The following PCAT7 variants were observed in gnomAD, a reference collection of about 807,000 sequenced individuals.
PCAT7 encodes prostate cancer associated transcript 7.
chr9:94,561,352 ATTTTTTTTTTT>A lies in PCAT7; in HGVS notation n.441+2218_441+2228del, dbSNP rs1174386595. On this transcript the variant is annotated intron_variant and non_coding_transcript_variant, in intron 2 of 8. Transcript: ENST00000647389. ...GCAGGCCATGTGACATGTGACCTGT[ATTTTTTTTTTT>A]TTTTTTTTTTTTTTTTTGAGATGGA... is the stretch of plus-strand genomic sequence containing the variant. 1.7e-3 allele frequency among the ~76,000 whole-genome samples: 96 copies of A among 54,994 alleles called. 1 individual carries two copies. In the Admixed American group the frequency reaches 0.025, roughly 15 times the overall value. The allele number at this position is 54,994 out of a possible 152,430, so 36.1% of individuals were successfully genotyped here. A position where few individuals can be genotyped will look rare whatever the true frequency, so the allele number is the denominator to read the frequency against.
intron 2 of PCAT7, chr9:94,563,481 G>A: frequency 6.2e-7 from 1 of 1,610,764 alleles, no homozygotes; most frequent in Non-Finnish European, 8.5e-7. Flanking sequence ...AGAAAGCGAA[G>A]AGACAAGATC....
intron 2 of PCAT7, chr9:94,571,662 C>T: frequency 1.3e-6 from 2 of 1,494,006 alleles, no homozygotes; most frequent in Non-Finnish European, 1.8e-6. Context: ...AACACTTTGC[C>T]AGGGGCCTGG....
chr9:94,571,698 A>C, intron 2 of PCAT7: 1 of 1,149,998 alleles, frequency 8.7e-7, no homozygotes, highest in South Asian at 1.8e-5. Flanking sequence ...GAATCACTGA[A>C]GGAAGCGCGG....
intron 2 of PCAT7, among the ~76,000 whole-genome samples, chr9:94,561,765 G>T (rs781649): frequency 5.3e-5 from 8 of 151,850 alleles, no homozygotes; most frequent in Non-Finnish European, 1.0e-4. Flanking sequence ...CACACACACA[G>T]AGAGACGTCG....
chr9:94,564,657 C>T (rs1827159696), intron 2 of PCAT7, among the ~76,000 whole-genome samples: 1 of 151,906 alleles, frequency 6.6e-6, no homozygotes, highest in Non-Finnish European at 1.5e-5. Context: ...CTGGGGCCTA[C>T]GTGAGGGTGG....
At chr9:94,554,641 C>T (rs913138428), upstream of PCAT7, among the ~76,000 whole-genome samples, 18 of 152,232 alleles carry the variant, frequency 1.2e-4, no homozygotes, top group Non-Finnish European at 2.6e-4. Flanking sequence ...GCCGCGGAGG[C>T]GCAAGCTCCG....
At chr9:94,559,503 G>A (rs149672830) in intron 2 of PCAT7, among the ~76,000 whole-genome samples, 1,521 of 150,314 alleles carry the variant, frequency 0.01, 8 homozygotes, top group Non-Finnish European at 0.016. Context: ...CTTTATATGT[G>A]AGACCTCAAG....
At chr9:94,562,228 T>C (rs1396058536) in intron 2 of PCAT7, among the ~76,000 whole-genome samples, 1 of 144,246 alleles carries the variant, frequency 6.9e-6, no homozygotes, top group Non-Finnish European at 1.5e-5. Flanking sequence ...GAGAATGGTG[T>C]GAACCTGGGA....
chr9:94,570,732 G>A (rs1008480465), intron 2 of PCAT7: 1 of 151,998 alleles, frequency 6.6e-6, no homozygotes, highest in African/African-American at 2.4e-5. Flanking sequence ...AAGTTTCTGG[G>A]TTTCCATACT....
intron 2 of PCAT7, chr9:94,567,667 C>A: frequency 2.4e-6 from 1 of 417,300 alleles, no homozygotes; most frequent in Non-Finnish European, 4.3e-6. Flanking sequence ...AGTCTTCTTT[C>A]TTTTCCTGTG....
intron 2 of PCAT7, among the ~76,000 whole-genome samples, chr9:94,565,429 T>C (rs967789006): frequency 1.3e-5 from 2 of 151,154 alleles, no homozygotes; most frequent in Non-Finnish European, 2.9e-5. Context: ...ATCTTACACA[T>C]GAATTTTGTT....
chr9:94,556,402 A>G (rs2131434419), intron 1 of PCAT7, among the ~76,000 whole-genome samples: 1 of 151,970 alleles, frequency 6.6e-6, no homozygotes, highest in Middle Eastern at 3.4e-3. Context: ...GACGGTAGGG[A>G]GAAAACGGTG....
rs1484775273 is a variant in PCAT7, at chr9:94,559,816, G to A, written n.441+664G>A. 2.0e-5 allele frequency among the ~76,000 whole-genome samples: 3 copies of A among 152,036 alleles called. No homozygotes were observed. The East Asian group carries it at 5.8e-4, about 29-fold the overall frequency. On this transcript the variant is annotated intron_variant and non_coding_transcript_variant, in intron 2 of 8. Coordinates refer to ENST00000647389, the Ensembl canonical transcript of PCAT7. ...CTGCTGTCCATCCTAGCTGGTCACT[G>A]TACTATCTGTATTCTCAGTAGTGCC... is the stretch of plus-strand genomic sequence containing the variant.
chr9:94,555,143 G>GT (rs937155067), exon 1 of PCAT7: 9 of 152,020 alleles, frequency 5.9e-5, no homozygotes, highest in African/African-American at 1.7e-4. Flanking sequence ...TTTTGTTTTT[G>GT]TTTTTTTAGG....
At chr9:94,558,228 G>A (rs1313126086) in intron 1 of PCAT7, among the ~76,000 whole-genome samples, 3 of 152,186 alleles carry the variant, frequency 2.0e-5, no homozygotes, top group Admixed American at 1.3e-4. Flanking sequence ...AAATTTACAT[G>A]TGTTTGAGGG....
At chr9:94,572,523 G>A (rs2406665) in intron 2 of PCAT7, among the ~76,000 whole-genome samples, 73,567 of 151,608 alleles carry the variant, frequency 0.49, 18,425 homozygotes, top group African/African-American at 0.61. Context: ...AGCGCTTGAC[G>A]CCATGAGCAC....
intron 1 of PCAT7, chr9:94,558,838 C>T: frequency 2.6e-6 from 3 of 1,135,628 alleles, no homozygotes; most frequent in Non-Finnish European, 3.9e-6. Flanking sequence ...AGTGGATTTA[C>T]CTTTTGTATA....
At chr9:94,573,419 C>A (rs2987882) in intron 3 of PCAT7, among the ~76,000 whole-genome samples, 2 of 151,908 alleles carry the variant, frequency 1.3e-5, no homozygotes, top group Non-Finnish European at 2.9e-5. Context: ...CTACCACCCC[C>A]CTCTCCAGCT....
intron 2 of PCAT7, among the ~76,000 whole-genome samples, chr9:94,566,989 G>A (rs509022): frequency 1.3e-5 from 2 of 151,922 alleles, no homozygotes; most frequent in Admixed American, 6.6e-5. Flanking sequence ...AGGATCTGGC[G>A]TGAGCTCTGA....
Sources: allele counts gnomAD v4.1 joint callset (sites outside exome capture counted in the v4.1 genomes callset), GRCh38; gene constraint gnomAD v4.1.1; transcripts MANE v1.5; gene names NCBI Gene and HGNC (gene_info 2026-07-23, HGNC 2026-07-21).